Variants in KIF19 observed in about 807,000 individuals in gnomAD.
KIF19 encodes the protein kinesin-like protein KIF19.
KIF19 carries 98 observed loss-of-function variants against 106.6 expected under a neutral mutation model. The ratio of observed to expected loss-of-function variants is 0.92; its 90% CI spans 0.78 to 1.09. KIF19 has a LOEUF of 1.09. Ranked by LOEUF, KIF19 falls within the 50% of genes least tolerant of loss-of-function variation. The pLI is 0.00. For missense variants in KIF19, 1,373 were observed against 1,414.3 expected, an observed-to-expected ratio of 0.97 and a Z score of 0.47; for synonymous variants, 516 against 584.2, an observed-to-expected ratio of 0.88 and a Z score of 1.68.
At chr17:74,349,030 T>C in intron 9 of KIF19, 154 bp from the exon 10 acceptor site, 1 of 686,816 alleles carries the variant, frequency 1.5e-6, no homozygotes, top group East Asian at 2.8e-5. Flanking sequence ...TAGCAGTGAG[T>C]GTGACAGGAG....
intron 9 of KIF19, chr17:74,348,860 A>C: frequency 1.3e-5 from 4 of 318,120 alleles, no homozygotes; most frequent in Non-Finnish European, 2.3e-5. Flanking sequence ...TGTGGTGGGT[A>C]TGGGGAGAGC....
chr17:74,342,094 C>A, intron 3 of KIF19, 108 bp downstream of exon 3: 1 of 750,482 alleles, frequency 1.3e-6, no homozygotes. Context: ...GCCTCCACTC[C>A]ACCTGCTCAC....
intron 10 of KIF19, 30 bp downstream of exon 10, chr17:74,349,379 C>T: frequency 1.3e-6 from 2 of 1,550,652 alleles, no homozygotes; most frequent in Non-Finnish European, 1.7e-6. Flanking sequence ...TGAGTGGCAG[C>T]CCCCTCCGGC....
chr17:74,326,362 G>A lies in KIF19; in HGVS notation c.13G>A (p.Gly5Arg), dbSNP rs201668470. MKDS[G>R]DSKDQQLMVA... ...ACCTGCTGCAATCATGAAGGACAGCGGGGACTCCAAGGACCAGCAACTCAT... is the reference window on the plus strand; with the variant it reads ...ACCTGCTGCAATCATGAAGGACAGCAGGGACTCCAAGGACCAGCAACTCAT... The change falls in exon 1 of 20, where the codon GGG becomes AGG. Residue 5 changes from glycine (G) to arginine (R), a missense_variant. Physicochemically the swap from Gly to Arg is moderately radical, Grantham distance 125 (BLOSUM62 -2). Around this residue, in one of 3 missense-constraint regions of KIF19, gnomAD observed 348 missense variants for 389.5 expected, o/e 0.89. Coordinates refer to ENST00000389916, the MANE Select transcript of KIF19 (RefSeq NM_153209.4). The A allele has an allele frequency of 4.2e-5, 67 of 1,612,282 alleles. No individual in the cohort carries two copies. Among genetic ancestry groups the A allele is most frequent in the Non-Finnish European group, 2.8e-5 (33 of 1,179,404 alleles).
intron 2 of KIF19, among the ~76,000 whole-genome samples, chr17:74,335,283 A>C (rs1024445481): frequency 4.6e-5 from 7 of 152,234 alleles, no homozygotes; most frequent in African/African-American, 1.7e-4. Flanking sequence ...TCCAGCCCAA[A>C]ATGTCAACAG....
rs1039844493 is a variant in KIF19 at position 74,331,717 on chromosome 17, C to T, written c.120+3212C>T. Among the ~76,000 whole-genome samples, 24 of 151,932 alleles carry T rather than the reference C, an allele frequency of 1.6e-4. No homozygotes were observed. Among genetic ancestry groups the T allele is most frequent in the Admixed American group, 2.6e-4 (4 of 15,256 alleles). On this transcript the variant is annotated intron_variant, in intron 2 of 19. Transcript: ENST00000389916. The surrounding 1 kb of genome is among the most constrained non-coding windows in gnomAD (Gnocchi z 4.1). ...TCAGCCTCCCATGTAGCTGGGATTA[C>T]GGGCGCGCGCCACCGTGCCCAGCTA...
In KIF19 at chr17:74,351,965, G is replaced by T; in HGVS notation, c.1686G>T (p.Val562=). The change falls in exon 13 of 20, where the codon GTG becomes GTT. Residue 562 remains valine, a synonymous_variant. Coordinates refer to ENST00000389916, the MANE Select transcript of KIF19 (RefSeq NM_153209.4). Reference sequence around the variant, plus strand: ...TCGGCTCCGAGGAGCAGCGCGAGGTGCTCAGCCTGCTGTGCCGCGTGCACG... The same window carrying T: ...TCGGCTCCGAGGAGCAGCGCGAGGTTCTCAGCCTGCTGTGCCGCGTGCACG... ...RRIGSEEQRE[V]LSLLCRVHEL... is the part of the protein sequence containing the mutation. The T allele has an allele frequency of 6.6e-7, 1 of 1,520,696 alleles. No individual in the cohort carries two copies. Among genetic ancestry groups the T allele is most frequent in the Non-Finnish European group, 8.8e-7 (1 of 1,141,650 alleles). 94.2% of individuals were successfully genotyped at this position (1,520,696 alleles called of 1,614,324 possible). A position where few individuals can be genotyped will look rare whatever the true frequency, so the allele number is the denominator to read the frequency against.
chr17:74,350,203 C>T (rs1160152208), intron 10 of KIF19, among the ~76,000 whole-genome samples, 198 bp from the exon 11 acceptor site: 4 of 152,138 alleles, frequency 2.6e-5, no homozygotes, highest in African/African-American at 9.7e-5. Flanking sequence ...TGCTTTTGGG[C>T]AACAGCTTGA....
rs1459234337 is a variant in KIF19, at chr17:74,354,194, A to C, written c.2341A>C (p.Ile781Leu). Reference sequence around the variant, plus strand: ...GGAGATCCTGACTGGCACCAAGTGCATCTGGGTGAAGGCCGCCCGGCGGCG... The same window carrying C: ...GGAGATCCTGACTGGCACCAAGTGCCTCTGGGTGAAGGCCGCCCGGCGGCG... ...RKEILTGTKC[I>L]WVKAARRRSR... Residue 781 changes from isoleucine (I) to leucine (L), a missense_variant, in exon 18 of 20, where the codon ATC becomes CTC. Around this residue, in one of 3 missense-constraint regions of KIF19, gnomAD observed 1,020 missense variants for 1,008.2 expected, o/e 1.01. Transcript: ENST00000389916. 6.2e-7 allele frequency: 1 copy of C among 1,609,712 alleles called. No individual in the cohort carries two copies. The highest frequency in any genetic ancestry group is 8.5e-7 in the Non-Finnish European group (1 of 1,179,474).
At position 74,353,235 on chromosome 17, in the gene KIF19, G is replaced by T; in HGVS notation, c.2154G>T (p.Trp718Cys). The change falls in exon 16 of 20, where the codon TGG (tryptophan) becomes TGT (cysteine). Residue 718 changes from tryptophan to cysteine, a missense_variant. Physicochemically the swap from Trp to Cys is radical, Grantham distance 215. Coordinates refer to ENST00000389916, the MANE Select transcript of KIF19 (RefSeq NM_153209.4). ...HHVFKAGTGA[W>C]QAKSSSVPTP... The stretch of plus-strand genomic sequence containing the variant: ...TGTTCAAGGCTGGTACTGGGGCCTG[G>T]CAGGCAAAAAGCTCCTCTGTGCCCA... The T allele has an allele frequency of 6.3e-7, 1 of 1,588,738 alleles. No homozygotes were observed. Among genetic ancestry groups the T allele is most frequent in the Non-Finnish European group, 8.6e-7 (1 of 1,168,016 alleles).
In KIF19 at chr17:74,355,316, G is replaced by C; in HGVS notation, c.*4G>C. 1 of 1,603,358 alleles carries C rather than the reference G, an allele frequency of 6.2e-7. No individual in the cohort carries two copies. Among genetic ancestry groups the C allele is most frequent in the Non-Finnish European group, 8.5e-7 (1 of 1,176,232 alleles). On this transcript the variant is annotated 3_prime_UTR_variant, in exon 20 of 20. Coordinates refer to ENST00000389916, the MANE Select transcript of KIF19 (RefSeq NM_153209.4). The stretch of plus-strand genomic sequence containing the variant: ...TGGATGCTCCCGGCATAACTGAGGG[G>C]CCCTGCCTGGAACTGGCTCTCTCAC...
intron 11 of KIF19, 26 bp from the exon 12 acceptor site, chr17:74,350,681 T>C (rs776271224): frequency 6.2e-7 from 1 of 1,612,966 alleles, no homozygotes; most frequent in Admixed American, 1.7e-5. Flanking sequence ...CTGAATGCCC[T>C]GTCTCTCTGG....
At chr17:74,328,629 C>A (rs2053984670) in intron 2 of KIF19, 124 bp downstream of exon 2, 1 of 724,092 alleles carries the variant, frequency 1.4e-6, no homozygotes, top group South Asian at 1.8e-5. Context: ...TCACTGAACT[C>A]TTGGCTGTGC....
intron 9 of KIF19, chr17:74,348,938 T>G (rs2054609194): frequency 1.9e-6 from 1 of 536,694 alleles, no homozygotes; most frequent in African/African-American, 1.9e-5. Context: ...ATCAGAGAGA[T>G]GGGGGTGGCC....
Position 74,333,441 on chromosome 17 carries a change from C to T in KIF19, c.120+4936C>T, listed in dbSNP as rs560583565. Among the ~76,000 whole-genome samples the T allele has an allele frequency of 3.3e-5, 5 of 149,584 alleles. No homozygotes were observed. The South Asian group carries it at 6.3e-4, about 19-fold the overall frequency. On this transcript the variant is annotated intron_variant, in intron 2 of 19. Coordinates refer to ENST00000389916, the MANE Select transcript of KIF19 (RefSeq NM_153209.4). ...GCCGTGGCGCTATCTTAGCTCACTG[C>T]GACCTCTGCCTCCCAGGTTCTAGTG... is the stretch of plus-strand genomic sequence containing the variant.
At chr17:74,353,651 A>T (rs1239426393) in intron 17 of KIF19, 70 bp downstream of exon 17, 1 of 1,311,536 alleles carries the variant, frequency 7.6e-7, no homozygotes, top group African/African-American at 1.4e-5. Context: ...ACCCAGCTCA[A>T]AGCCCTTTCC....
chr17:74,353,417 C>T (rs993635973), intron 16 of KIF19, 77 bp from the exon 17 acceptor site: 7 of 1,481,422 alleles, frequency 4.7e-6, no homozygotes, highest in African/African-American at 1.4e-5. Flanking sequence ...CTTGAGGCCC[C>T]GCTGTCTCTG....
At chr17:74,328,728 C>T (rs1430856149) in intron 2 of KIF19, 2 of 498,610 alleles carry the variant, frequency 4.0e-6, no homozygotes, top group African/African-American at 2.0e-5. Context: ...CTTCCCTAGC[C>T]TGGGTGGGCC....
intron 14 of KIF19, 65 bp downstream of exon 14, chr17:74,352,405 G>A (rs1487759548): frequency 4.6e-6 from 7 of 1,533,766 alleles, no homozygotes; most frequent in Non-Finnish European, 6.1e-6. Context: ...GATGACCAAG[G>A]CAATGCCTTC....
Sources: gnomAD v4.1 joint callset for allele counts (sites outside exome capture counted in the v4.1 genomes callset) on GRCh38, gnomAD v4.1.1 for gene constraint, gnomAD v4.1.1 regional missense constraint, Gnocchi (gnomAD v3.1) non-coding constraint, MANE v1.5 for transcripts, NCBI Gene and HGNC (gene_info 2026-07-23, HGNC 2026-07-21) for gene names.